Variants in BMPR2 observed in about 807,000 individuals in gnomAD.
BMPR2 encodes bone morphogenetic protein receptor type-2.
A neutral mutation model predicts 100.8 loss-of-function variants in BMPR2; 29 were observed. The ratio of observed to expected loss-of-function variants is 0.29; its 90% CI spans 0.21 to 0.39. The LOEUF (loss-of-function observed/expected upper bound fraction) is 0.39, where lower values mean the gene tolerates loss of function less well. Ranked by LOEUF, BMPR2 falls within the 10% of genes least tolerant of loss-of-function variation. The pLI is 1.00. For missense variants in BMPR2, 1,011 were observed against 1,274.5 expected, an observed-to-expected ratio of 0.79 and a Z score of 3.15; for synonymous variants, 382 against 442.3, an observed-to-expected ratio of 0.86 and a Z score of 1.71.
At position 202,542,318 on chromosome 2, in the gene BMPR2, C is replaced by A; in HGVS notation, c.1284C>A (p.Ser428=). 1.2e-6 allele frequency: 2 copies of A among 1,613,774 alleles called. No homozygotes were observed. The highest frequency in any genetic ancestry group is 2.2e-5 in the South Asian group (2 of 91,062). ...TTTTCTACAAATCCACAGGGGAATC[C>A]GTACCAGAGTACCAGATGGCTTTTC... is the stretch of plus-strand genomic sequence containing the variant. ...MRCTDLFPGE[S]VPEYQMAFQT... is the part of the protein sequence containing the mutation. Residue 428 remains serine, a synonymous_variant, in exon 10 of 13, where the codon TCC becomes TCA. Coordinates refer to ENST00000374580, the MANE Select transcript of BMPR2 (RefSeq NM_001204.7).
In BMPR2 at chr2:202,552,685, C is replaced by T. The variant is rs1468220157; in HGVS notation, c.1414-31C>T. 1.9e-6 allele frequency: 3 copies of T among 1,611,072 alleles called. No homozygotes were observed. In the Admixed American group the frequency reaches 5.0e-5, roughly 27 times the overall value. ...CTCAATACATTTTTTTTTTTAAAGACACATGGTTTGACATGTACTTTGTCT... is the reference window on the plus strand; with the variant it reads ...CTCAATACATTTTTTTTTTTAAAGATACATGGTTTGACATGTACTTTGTCT... On this transcript the variant is annotated intron_variant, in intron 10 of 12. Transcript: ENST00000374580.
intron 3 of BMPR2, among the ~76,000 whole-genome samples, chr2:202,506,875 G>A (rs1284962295): frequency 6.6e-6 from 1 of 151,918 alleles, no homozygotes; most frequent in Non-Finnish European, 1.5e-5. Context: ...TCTCCAGCCT[G>A]GGTGACAAGA....
chr2:202,431,762 G>A (rs918423849), intron 1 of BMPR2, among the ~76,000 whole-genome samples: 1 of 150,428 alleles, frequency 6.6e-6, no homozygotes, highest in Non-Finnish European at 1.5e-5. Flanking sequence ...ATGTAGGTTT[G>A]TGTAAGAACA....
chr2:202,538,291 T>C (rs1033445414), intron 9 of BMPR2, among the ~76,000 whole-genome samples: 11 of 151,476 alleles, frequency 7.3e-5, no homozygotes, highest in Non-Finnish European at 1.6e-4. Context: ...CTATCTCTAC[T>C]AAAAATATTT....
chr2:202,380,156 A>C (rs959621347), intron 1 of BMPR2, among the ~76,000 whole-genome samples: 8 of 151,184 alleles, frequency 5.3e-5, no homozygotes, highest in African/African-American at 1.9e-4. Context: ...ATGAGCCACC[A>C]CACCCCGCCT....
At chr2:202,393,184 C>T (rs1196853386) in intron 1 of BMPR2, among the ~76,000 whole-genome samples, 3 of 151,984 alleles carry the variant, frequency 2.0e-5, no homozygotes, top group African/African-American at 4.8e-5. Context: ...TCTTTGTCAC[C>T]CTAGTAGTCC....
At chr2:202,488,903 C>T (rs898528523) in intron 3 of BMPR2, among the ~76,000 whole-genome samples, 1 of 152,140 alleles carries the variant, frequency 6.6e-6, no homozygotes, top group Admixed American at 6.6e-5. Context: ...CCCCTGCTCC[C>T]AACCCTTGGC....
Position 202,538,365 on chromosome 2 carries a change from A to C in BMPR2, c.1277-3946A>C, listed in dbSNP as rs530844889. On this transcript the variant is annotated intron_variant, in intron 9 of 12. Coordinates refer to ENST00000374580, the MANE Select transcript of BMPR2 (RefSeq NM_001204.7). Reference sequence around the variant, plus strand: ...TAGCTACTTGGGAGTCTGAGGCAGGAGAACTGCTTGAACTAGGGAGGCGGA... The same window carrying C: ...TAGCTACTTGGGAGTCTGAGGCAGGCGAACTGCTTGAACTAGGGAGGCGGA... 7.2e-5 allele frequency among the ~76,000 whole-genome samples: 11 copies of C among 152,158 alleles called. No individual in the cohort carries two copies. In the East Asian group the frequency reaches 2.1e-3, roughly 29 times the overall value.
chr2:202,393,121 C>T (rs895216304), intron 1 of BMPR2, among the ~76,000 whole-genome samples: 2 of 152,018 alleles, frequency 1.3e-5, no homozygotes, highest in Admixed American at 6.6e-5. Flanking sequence ...AGAACCTAGT[C>T]TCTGCAGTTG....
At chr2:202,498,271 G>A (rs949699975) in intron 3 of BMPR2, among the ~76,000 whole-genome samples, 1 of 152,212 alleles carries the variant, frequency 6.6e-6, no homozygotes. Flanking sequence ...CAAGGGTGCA[G>A]GTTTTCAAGA....
At chr2:202,423,100 G>C (rs750871795) in intron 1 of BMPR2, among the ~76,000 whole-genome samples, 1 of 152,142 alleles carries the variant, frequency 6.6e-6, no homozygotes, top group Non-Finnish European at 1.5e-5. Context: ...TGTTGGCCAG[G>C]CTGGTCTTGA....
At chr2:202,453,901 G>T (rs999194018) in intron 1 of BMPR2, among the ~76,000 whole-genome samples, 15 of 152,064 alleles carry the variant, frequency 9.9e-5, no homozygotes, top group African/African-American at 3.6e-4. Context: ...TTAACTCATT[G>T]CATGTCTGTA....
At chr2:202,538,250 T>TC (rs1688200516) in intron 9 of BMPR2, among the ~76,000 whole-genome samples, 1 of 151,496 alleles carries the variant, frequency 6.6e-6, no homozygotes, top group Admixed American at 6.6e-5. Context: ...GGTCAGGAGT[T>TC]CGAAACCAGC....
chr2:202,407,985 C>A (rs1043961213), intron 1 of BMPR2, among the ~76,000 whole-genome samples: 3 of 151,756 alleles, frequency 2.0e-5, no homozygotes, highest in Admixed American at 6.6e-5. Context: ...AGGTGCCCAC[C>A]ACCACGCCTG....
intron 1 of BMPR2, among the ~76,000 whole-genome samples, chr2:202,380,357 G>C (rs1487187320): frequency 1.3e-5 from 2 of 151,992 alleles, no homozygotes; most frequent in Non-Finnish European, 2.9e-5. Context: ...CATCTCTTGA[G>C]GAACACACAC....
chr2:202,404,540 G>T (rs1175996688), intron 1 of BMPR2, among the ~76,000 whole-genome samples: 1 of 152,156 alleles, frequency 6.6e-6, no homozygotes, highest in Non-Finnish European at 1.5e-5. Context: ...AGATGAGTGT[G>T]CAGTAGCAAT....
At chr2:202,412,964 T>C (rs1404513351) in intron 1 of BMPR2, among the ~76,000 whole-genome samples, 1 of 152,206 alleles carries the variant, frequency 6.6e-6, no homozygotes, top group Non-Finnish European at 1.5e-5. Context: ...CTCATTGTTC[T>C]TGGATTCCAT....
intron 1 of BMPR2, among the ~76,000 whole-genome samples, chr2:202,410,594 A>G (rs534684541): frequency 3.9e-5 from 6 of 152,048 alleles, no homozygotes; most frequent in African/African-American, 1.2e-4. Flanking sequence ...CTAGCTAGCT[A>G]TCTGAGACAG....
At chr2:202,483,438 A>G (rs902535659) in intron 3 of BMPR2, among the ~76,000 whole-genome samples, 4 of 151,006 alleles carry the variant, frequency 2.6e-5, no homozygotes, top group Non-Finnish European at 5.9e-5. Context: ...CTGGAGTGCA[A>G]TGGTGTCATC....
Sources: allele counts gnomAD v4.1 joint callset (sites outside exome capture counted in the v4.1 genomes callset), GRCh38; gene constraint gnomAD v4.1.1; transcripts MANE v1.5; gene names NCBI Gene and HGNC (gene_info 2026-07-23, HGNC 2026-07-21).